The following CRAMP1 variants were observed in gnomAD, a reference collection of about 807,000 sequenced individuals.
CRAMP1 encodes protein cramped-like.
In CRAMP1, 50 loss-of-function variants were observed where a neutral mutation model predicts 115.4. The ratio of observed to expected loss-of-function variants is 0.43; its 90% CI spans 0.35 to 0.55. CRAMP1 has a LOEUF of 0.55. CRAMP1 is among the 20% of genes least tolerant of loss of function. The pLI is 0.01. For missense variants in CRAMP1, 1,679 were observed against 1,721.7 expected, an observed-to-expected ratio of 0.98 and a Z score of 0.44; for synonymous variants, 866 against 745.4, an observed-to-expected ratio of 1.16 and a Z score of -2.64.
At chr16:1,637,271 G>A (rs1036053344) in intron 4 of CRAMP1, among the ~76,000 whole-genome samples, 3 of 151,950 alleles carry the variant, frequency 2.0e-5, no homozygotes, top group Non-Finnish European at 2.9e-5. Context: ...TCCAGTCTGG[G>A]CGAGAGAGTG....
chr16:1,674,033 C>G lies in CRAMP1; in HGVS notation c.3798C>G (p.Asp1266Glu). ...DGGGGGPAVS[D>E]LSQ ...GTGGAGGCGGCCCCGCTGTCAGTGA[C>G]CTGTCCCAGTGACCACACGTCCTGG... is the stretch of plus-strand genomic sequence containing the variant. Residue 1266 changes from aspartate to glutamate, a missense_variant, in exon 21 of 21, where the codon GAC becomes GAG. By Grantham distance (45) the Asp-to-Glu change is conservative. This residue lies in a region of CRAMP1 where 709 missense variants were observed against 741.9 expected (regional missense o/e 0.96). Coordinates refer to ENST00000397412, the MANE Select transcript of CRAMP1 (RefSeq NM_020825.4). The G allele has an allele frequency of 6.2e-7, 1 of 1,611,956 alleles. No individual in the cohort carries two copies. The highest frequency in any genetic ancestry group is 1.7e-5 in the Admixed American group (1 of 59,992).
At position 1,669,496 on chromosome 16, in the gene CRAMP1, C is replaced by G. The variant is rs1454382893; in HGVS notation, c.3499+331C>G. Among the ~76,000 whole-genome samples the G allele has an allele frequency of 1.3e-5, 2 of 152,214 alleles. No individual in the cohort carries two copies. On this transcript the variant is annotated intron_variant, in intron 19 of 20. Coordinates refer to ENST00000397412, the MANE Select transcript of CRAMP1 (RefSeq NM_020825.4). This position sits in a 1 kb window ranked among gnomAD's most constrained non-coding sequence, Gnocchi z 4.6. ...GTTCAGCTAGCCCGGCCCCTCCCGA[C>G]TGGGTTCTCTTGAGGGGAGAAAAGG...
Position 1,626,022 on chromosome 16 carries a change from T to C in CRAMP1, c.396T>C (p.Pro132=). 6.4e-7 allele frequency: 1 copy of C among 1,551,698 alleles called. No homozygotes were observed. The highest frequency in any genetic ancestry group is 1.4e-5 in the African/African-American group (1 of 73,182). Reference sequence around the variant, plus strand: ...CTGGAAATGTGTCTGGGGTTGCCCCTGCTGCCCCTGCAGGGGGCTCGCGCT... The same window carrying C: ...CTGGAAATGTGTCTGGGGTTGCCCCCGCTGCCCCTGCAGGGGGCTCGCGCT... ...SSSGNVSGVA[P]AAPAGGSRSS... The change falls in exon 3 of 21, where the codon CCT becomes CCC. Residue 132 remains proline, a synonymous_variant. Coordinates refer to ENST00000397412, the MANE Select transcript of CRAMP1 (RefSeq NM_020825.4).
rs1484025080 is a variant in CRAMP1 at position 1,674,161 on chromosome 16, G to A, written c.*116G>A. On this transcript the variant is annotated 3_prime_UTR_variant, in exon 21 of 21. Transcript: ENST00000397412. ...TCTCCGCACCCAAGACTGTGCAACGGGCAGGAACGTGGTCACAGAGCTGCT... is the reference window on the plus strand; with the variant it reads ...TCTCCGCACCCAAGACTGTGCAACGAGCAGGAACGTGGTCACAGAGCTGCT... The A allele has an allele frequency of 9.6e-7, 1 of 1,046,212 alleles. No individual in the cohort carries two copies. The allele number at this position is 1,046,212 out of a possible 1,614,324, so 64.8% of individuals were successfully genotyped here. A position where few individuals can be genotyped will look rare whatever the true frequency, so the allele number is the denominator to read the frequency against.
chr16:1,634,270 A>C (rs900016668), intron 4 of CRAMP1, among the ~76,000 whole-genome samples: 2 of 152,202 alleles, frequency 1.3e-5, no homozygotes, highest in Non-Finnish European at 2.9e-5. Context: ...GCGTAGACTT[A>C]TCTCCTCTTC....
At position 1,666,697 on chromosome 16, in the gene CRAMP1, C is replaced by T. The variant is rs1160376442; in HGVS notation, c.3036+97C>T. 6 of 1,167,060 alleles carry T rather than the reference C, an allele frequency of 5.1e-6. No homozygotes were observed. The highest frequency in any genetic ancestry group is 4.5e-5 in the African/African-American group (3 of 66,082). 72.3% of individuals were successfully genotyped at this position (1,167,060 alleles called of 1,614,324 possible). On this transcript the variant is annotated intron_variant, in intron 16 of 20. Coordinates refer to ENST00000397412, the MANE Select transcript of CRAMP1 (RefSeq NM_020825.4). The surrounding 1 kb of genome is among the most constrained non-coding windows in gnomAD (Gnocchi z 5.0). Reference sequence around the variant, plus strand: ...AGATCACGCTGGACTCCAGCTCTGCCTTTGGAGGAGAGTCTCTGGACCAGG... The same window carrying T: ...AGATCACGCTGGACTCCAGCTCTGCTTTTGGAGGAGAGTCTCTGGACCAGG...
chr16:1,649,430 G>T (rs2142192847), intron 6 of CRAMP1, among the ~76,000 whole-genome samples: 1 of 152,328 alleles, frequency 6.6e-6, no homozygotes, highest in Middle Eastern at 3.4e-3. Flanking sequence ...AAACCCAGCT[G>T]CTGCTCCTGC....
In CRAMP1 at chr16:1,676,632, T is replaced by C. The variant is rs1567465896; in HGVS notation, c.*2587T>C. Reference sequence around the variant, plus strand: ...TGTAATTAAGATGAGATCAGTTTCTTAGAAAAAGCTTTCCTGAATCCCTCT... The same window carrying C: ...TGTAATTAAGATGAGATCAGTTTCTCAGAAAAAGCTTTCCTGAATCCCTCT... On this transcript the variant is annotated 3_prime_UTR_variant, in exon 21 of 21. Coordinates refer to ENST00000397412, the MANE Select transcript of CRAMP1 (RefSeq NM_020825.4). 6.6e-6 allele frequency: 1 copy of C among 152,252 alleles called. No homozygotes were observed. The highest frequency in any genetic ancestry group is 2.4e-5 in the African/African-American group (1 of 41,474). 9.4% of individuals were successfully genotyped at this position (152,252 alleles called of 1,614,324 possible).
At chr16:1,622,065 G>A (rs901330724) in intron 2 of CRAMP1, among the ~76,000 whole-genome samples, 2 of 152,148 alleles carry the variant, frequency 1.3e-5, no homozygotes, top group Admixed American at 6.5e-5. Flanking sequence ...TCTACCAGGT[G>A]TCTCTGGTCC....
chr16:1,654,870 A>G (rs1045389783), intron 8 of CRAMP1, among the ~76,000 whole-genome samples: 2 of 152,180 alleles, frequency 1.3e-5, no homozygotes, highest in African/African-American at 2.4e-5. Context: ...ATGTATTAAC[A>G]CTGTCCAGGC....
rs1469284862 is a variant in CRAMP1 at position 1,670,805 on chromosome 16, C to T, written c.3641C>T (p.Ala1214Val). The T allele has an allele frequency of 1.2e-6, 2 of 1,613,848 alleles. No individual in the cohort carries two copies. The highest frequency in any genetic ancestry group is 8.5e-7 in the Non-Finnish European group (1 of 1,179,820). The change falls in exon 20 of 21, where the codon GCA becomes GTA. Residue 1214 changes from alanine to valine, a missense_variant. Transcript: ENST00000397412. ...GTGTCCAGGTCCCTGGCTGACGTTG[C>T]AGAGGTGAGTGCATTGACCTCACAG... The part of the protein sequence containing the change: ...SFVSRSLADV[A>V]EVVDSQLVCM...
chr16:1,667,202 C>G, intron 16 of CRAMP1, 133 bp from the exon 17 acceptor site: 1 of 683,990 alleles, frequency 1.5e-6, no homozygotes, highest in South Asian at 1.6e-5. Flanking sequence ...AGACCCCTGT[C>G]CATTTACTGT....
At chr16:1,619,893 C>T (rs560706237) in intron 2 of CRAMP1, among the ~76,000 whole-genome samples, 6 of 152,176 alleles carry the variant, frequency 3.9e-5, no homozygotes, top group Non-Finnish European at 8.8e-5. Context: ...AGGGCTCTTG[C>T]AGGCACGCCT....
intron 2 of CRAMP1, chr16:1,620,546 A>G: frequency 2.3e-6 from 1 of 433,020 alleles, no homozygotes; most frequent in Non-Finnish European, 4.8e-6. Context: ...AAGTTCACCA[A>G]ACCACAGAAA....
chr16:1,654,502 G>T (rs1009426383), intron 8 of CRAMP1, among the ~76,000 whole-genome samples: 1 of 152,190 alleles, frequency 6.6e-6, no homozygotes. Flanking sequence ...GTGTGCCGCC[G>T]TGCCCGGTGA....
At chr16:1,636,302 CGG>C (rs1267516600) in intron 4 of CRAMP1, among the ~76,000 whole-genome samples, 5 of 151,140 alleles carry the variant, frequency 3.3e-5, no homozygotes, top group African/African-American at 1.2e-4. Flanking sequence ...ACCTGGGAGG[CGG>C]AGGTTGCAGT....
At position 1,656,504 on chromosome 16, in the gene CRAMP1, C is replaced by T. The variant is rs1194315710; in HGVS notation, c.1747C>T (p.Arg583Trp). The T allele has an allele frequency of 2.5e-6, 4 of 1,569,102 alleles. No homozygotes were observed. The highest frequency in any genetic ancestry group is 2.3e-5 in the South Asian group (2 of 85,426). The change falls in exon 10 of 21, where the codon CGG (arginine) becomes TGG (tryptophan). Residue 583 changes from arginine (R) to tryptophan (W), a missense_variant. By Grantham distance (101) the Arg-to-Trp change is moderately radical. This residue lies in a region of CRAMP1 where 405 missense variants were observed against 302.6 expected (regional missense o/e 1.34). Coordinates refer to ENST00000397412, the MANE Select transcript of CRAMP1 (RefSeq NM_020825.4). This position sits in a 1 kb window ranked among gnomAD's most constrained non-coding sequence, Gnocchi z 5.6. ...CGAGCAGTGCCGCTGTGCGGACACA[C>T]GGCCTGGGAGCGAGCAGCCCCCTCT... ...VPEQCRCADT[R>W]PGSEQPPLGG... is the part of the protein sequence containing the mutation.
At chr16:1,655,754 G>T (rs2036765678) in intron 9 of CRAMP1, 123 bp from the exon 10 acceptor site, 3 of 1,109,460 alleles carry the variant, frequency 2.7e-6, no homozygotes, top group Admixed American at 2.5e-5. Context: ...GCCACGGGTG[G>T]TGGCATGATT....
At chr16:1,653,294 G>A (rs2036740111) in intron 8 of CRAMP1, 138 bp downstream of exon 8, 2 of 1,044,134 alleles carry the variant, frequency 1.9e-6, no homozygotes, top group East Asian at 2.6e-5. Context: ...GGACGCAGCA[G>A]TGTGGAGGCG....
Sources: allele counts gnomAD v4.1 joint callset (sites outside exome capture counted in the v4.1 genomes callset), GRCh38; gene constraint gnomAD v4.1.1; regional missense constraint gnomAD v4.1.1; non-coding constraint Gnocchi (gnomAD v3.1); transcripts MANE v1.5; gene names NCBI Gene and HGNC (gene_info 2026-07-23, HGNC 2026-07-21).